ATP6V0E1: variants seen among roughly 807,000 people sequenced by gnomAD.
ATP6V0E1 encodes the protein ATPase H+ transporting V0 subunit e1.
Under a neutral mutation model 11.6 loss-of-function variants are expected in ATP6V0E1, and 4 were observed. The observed-to-expected ratio is 0.35, with a 90% CI of 0.17 to 0.79. The LOEUF is 0.79. Ranked by LOEUF, ATP6V0E1 falls within the 30% of genes least tolerant of loss-of-function variation. The probability of loss-of-function intolerance (pLI) is 0.54; values close to 1 mark genes in which losing one functional copy is unlikely to be tolerated. For missense variants in ATP6V0E1, 105 were observed against 100.0 expected (o/e 1.05, Z -0.21); for synonymous variants, 36 against 34.8 (o/e 1.04, Z -0.13).
chr5:173,000,117 T>C (rs1324986999), intron 2 of ATP6V0E1, among the ~76,000 whole-genome samples: 1 of 152,178 alleles, frequency 6.6e-6, no homozygotes. Context: ...TGAAATGCAT[T>C]CATGGACTTT....
intron 3 of ATP6V0E1, among the ~76,000 whole-genome samples, chr5:173,024,197 CAAAAAAAA>C (rs56837002): frequency 5.4e-5 from 4 of 73,496 alleles, no homozygotes; most frequent in Non-Finnish European, 1.2e-4. Flanking sequence ...GACTCCGTCT[CAAAAAAAA>C]AAAAAAAAAA....
chr5:172,986,669 C>T (rs1354419853), intron 1 of ATP6V0E1: 3 of 444,958 alleles, frequency 6.7e-6, no homozygotes, highest in African/African-American at 6.1e-5. Context: ...GGGGAAGAGG[C>T]TGCAGGCACC....
Position 173,030,780 on chromosome 5 carries a change from G to A in ATP6V0E1, c.*37-3619G>A, listed in dbSNP as rs561742582. 7.3e-4 allele frequency among the ~76,000 whole-genome samples: 110 copies of A among 151,392 alleles called. 1 individual carries two copies. Among genetic ancestry groups the A allele is most frequent in the Non-Finnish European group, 3.1e-4 (21 of 67,874 alleles). On this transcript the variant is annotated intron_variant, in intron 3 of 3. Transcript: ENST00000519374. ...GTTTGTTTGTTTGAGATGGAATCTC[G>A]CTCTGTCACCCAGACTGGAGTGCAG...
At chr5:173,014,352 T>C (rs1467768140) in intron 2 of ATP6V0E1, among the ~76,000 whole-genome samples, 1 of 152,078 alleles carries the variant, frequency 6.6e-6, no homozygotes, top group African/African-American at 2.4e-5. Context: ...GATCCAGCAT[T>C]CCCGCTACTG....
chr5:172,991,593 G>A (rs78823582), intron 1 of ATP6V0E1, among the ~76,000 whole-genome samples: 1 of 152,218 alleles, frequency 6.6e-6, no homozygotes, highest in South Asian at 2.1e-4. Context: ...TTGCACGTAG[G>A]GGGAGGTGAG....
intron 1 of ATP6V0E1, chr5:172,986,814 A>G (rs1215991726): frequency 7.1e-6 from 3 of 421,368 alleles, no homozygotes; most frequent in Non-Finnish European, 9.4e-6. Context: ...TTTGAGACAG[A>G]GTCTCACTCT....
chr5:172,992,963 A>G (rs191765462), intron 1 of ATP6V0E1, among the ~76,000 whole-genome samples: 1 of 151,942 alleles, frequency 6.6e-6, no homozygotes, highest in Non-Finnish European at 1.5e-5. Flanking sequence ...ACGCCCAGCT[A>G]ATTTTTTTGT....
Position 173,025,504 on chromosome 5 carries a change from C to CTTTTTTTTTT in ATP6V0E1, c.*36+5155_*36+5164dup, listed in dbSNP as rs60822937. Among the ~76,000 whole-genome samples, 23 of 65,570 alleles carry CTTTTTTTTTT rather than the reference C, an allele frequency of 3.5e-4. 3 individuals are homozygous for CTTTTTTTTTT. The highest frequency in any genetic ancestry group is 4.4e-4 in the Non-Finnish European group (16 of 36,124). The allele number at this position is 65,570 out of a possible 152,430, so 43.0% of individuals were successfully genotyped here. On this transcript the variant is annotated intron_variant, in intron 3 of 3. Coordinates refer to ENST00000519374, the MANE Select transcript of ATP6V0E1 (RefSeq NM_003945.4). ...ATTATTCTACAATGTATATAAAATACTTTTTTTTTTTTTTTTTTTTTTTTT... is the reference window on the plus strand; with the variant it reads ...ATTATTCTACAATGTATATAAAATACTTTTTTTTTTTTTTTTTTTTTTTTTTTTTTTTTTT...
chr5:172,985,436 A>G (rs1461441506), intron 1 of ATP6V0E1, among the ~76,000 whole-genome samples: 1 of 152,094 alleles, frequency 6.6e-6, no homozygotes, highest in Middle Eastern at 3.2e-3. Context: ...CACCAGTTAT[A>G]TGGGGTCATC....
intron 1 of ATP6V0E1, among the ~76,000 whole-genome samples, chr5:172,991,706 TC>T (rs1159292912): frequency 2.0e-5 from 3 of 152,098 alleles, no homozygotes; most frequent in African/African-American, 7.2e-5. Context: ...TTTAGCACAA[TC>T]CCCCATACAT....
intron 3 of ATP6V0E1, chr5:173,020,715 G>C (rs1309095417): frequency 1.9e-6 from 1 of 519,704 alleles, no homozygotes; most frequent in South Asian, 1.4e-5. Flanking sequence ...ATTTAAAATT[G>C]AGCAGGTTTC....
rs759965611 is a variant in ATP6V0E1, at chr5:173,020,374, A to G, written c.*36+7A>G. The G allele has an allele frequency of 6.1e-6, 9 of 1,478,928 alleles. 1 individual carries two copies. The highest frequency in any genetic ancestry group is 5.7e-5 in the South Asian group (5 of 87,598). 91.6% of individuals were successfully genotyped at this position (1,478,928 alleles called of 1,614,324 possible). A position where few individuals can be genotyped will look rare whatever the true frequency, so the allele number is the denominator to read the frequency against. On this transcript the variant is annotated splice_region_variant and intron_variant, in intron 3 of 3. Transcript: ENST00000519374. Reference sequence around the variant, plus strand: ...ACAGTGCTCAGTCTTTGAGGTGACTATGCTTGTGACCTTTCTTATCAGTAT... The same window carrying G: ...ACAGTGCTCAGTCTTTGAGGTGACTGTGCTTGTGACCTTTCTTATCAGTAT...
At chr5:173,021,301 G>A (rs138482337) in intron 3 of ATP6V0E1, among the ~76,000 whole-genome samples, 1 of 150,678 alleles carries the variant, frequency 6.6e-6, no homozygotes, top group Non-Finnish European at 1.5e-5. Context: ...CCAAGACTGG[G>A]TAATTTATAA....
At chr5:173,005,898 G>A (rs1194413901) in intron 2 of ATP6V0E1, among the ~76,000 whole-genome samples, 6 of 152,100 alleles carry the variant, frequency 3.9e-5, no homozygotes, top group Non-Finnish European at 5.9e-5. Flanking sequence ...TAAATATCTG[G>A]TGCTGTTCCA....
chr5:172,994,091 G>A (rs1197909598), intron 1 of ATP6V0E1, among the ~76,000 whole-genome samples: 1 of 152,150 alleles, frequency 6.6e-6, no homozygotes, highest in East Asian at 1.9e-4. Context: ...GAATTTTGTT[G>A]CTGACAGTGG....
intron 1 of ATP6V0E1, among the ~76,000 whole-genome samples, chr5:172,984,657 C>G (rs892719277): frequency 1.3e-5 from 2 of 152,198 alleles, no homozygotes; most frequent in African/African-American, 4.8e-5. Flanking sequence ...AGAGCTTTGT[C>G]TCTTTTGGAA....
intron 1 of ATP6V0E1, chr5:172,987,228 C>A (rs535522541): frequency 3.0e-5 from 5 of 168,880 alleles, no homozygotes; most frequent in South Asian, 1.5e-4. Flanking sequence ...CTGAGGTGAT[C>A]GATGGTGACC....
intron 1 of ATP6V0E1, among the ~76,000 whole-genome samples, chr5:172,993,688 C>G (rs182116426): frequency 2.5e-4 from 33 of 130,700 alleles, no homozygotes; most frequent in Non-Finnish European, 3.7e-4. Flanking sequence ...GACCCCCCCC[C>G]CCGACCCCAC....
chr5:172,987,495 G>C (rs577029822), intron 1 of ATP6V0E1, among the ~76,000 whole-genome samples: 1 of 152,066 alleles, frequency 6.6e-6, no homozygotes, highest in African/African-American at 2.4e-5. Flanking sequence ...TGTTGGACAG[G>C]CTGGTCTTGA....
Sources: allele counts gnomAD v4.1 joint callset (sites outside exome capture counted in the v4.1 genomes callset), GRCh38; gene constraint gnomAD v4.1.1; transcripts MANE v1.5; gene names NCBI Gene and HGNC (gene_info 2026-07-23, HGNC 2026-07-21).